The following PSD3 variants were observed in gnomAD, a reference collection of about 807,000 sequenced individuals.
PSD3 encodes the protein pleckstrin and Sec7 domain containing 3, also known as PH and SEC7 domain-containing protein 3.
Under a neutral mutation model 105.5 loss-of-function variants are expected in PSD3, and 49 were observed. The ratio of observed to expected loss-of-function variants is 0.46; its 90% confidence interval spans 0.37 to 0.59. The LOEUF is 0.59. PSD3 is among the 20% of genes least tolerant of loss of function. The pLI, the probability that PSD3 is intolerant of heterozygous loss-of-function variation, is 0.00. For synonymous variants in PSD3, 557 were observed against 457.8 expected, an observed-to-expected ratio of 1.22 and a Z score of -2.77; for missense variants, 1,561 against 1,263.8, an observed-to-expected ratio of 1.24 and a Z score of -3.57.
chr8:18,785,867 G>T (rs1434282456), intron 8 of PSD3, among the ~76,000 whole-genome samples: 1 of 152,104 alleles, frequency 6.6e-6, no homozygotes, highest in African/African-American at 2.4e-5. Context: ...GCCAGCCTTT[G>T]GCGCAGTCAA....
At chr8:18,825,535 G>A (rs1437631744) in intron 4 of PSD3, among the ~76,000 whole-genome samples, 3 of 152,184 alleles carry the variant, frequency 2.0e-5, no homozygotes, top group Admixed American at 6.5e-5. Flanking sequence ...TGAGTGTTGA[G>A]GGGAAGAGAA....
chr8:18,804,137 A>G (rs1032705819), intron 6 of PSD3, among the ~76,000 whole-genome samples: 1 of 152,202 alleles, frequency 6.6e-6, no homozygotes. Flanking sequence ...TATCTATAAT[A>G]CAATTTGAGC....
chr8:18,563,318 C>T (rs575392699), intron 14 of PSD3, among the ~76,000 whole-genome samples: 2 of 152,086 alleles, frequency 1.3e-5, no homozygotes, highest in East Asian at 1.9e-4. Flanking sequence ...ACAGGATCTT[C>T]GGTAAACAGT....
At chr8:18,813,616 C>A (rs922604751) in intron 4 of PSD3, among the ~76,000 whole-genome samples, 1 of 152,090 alleles carries the variant, frequency 6.6e-6, no homozygotes, top group Admixed American at 6.5e-5. Context: ...GTTCAGTTTG[C>A]CAGCAAGCAA....
intron 2 of PSD3, among the ~76,000 whole-genome samples, chr8:18,904,379 C>G (rs1819703521): frequency 6.6e-6 from 1 of 152,202 alleles, no homozygotes; most frequent in Non-Finnish European, 1.5e-5. Flanking sequence ...CCAACCCAGG[C>G]TGTGCCCAAG....
At chr8:18,770,761 T>G (rs1460733062) in intron 8 of PSD3, among the ~76,000 whole-genome samples, 2 of 152,230 alleles carry the variant, frequency 1.3e-5, no homozygotes, top group Non-Finnish European at 2.9e-5. Context: ...AACAGCTCAG[T>G]GGATCCTCTG....
intron 9 of PSD3, among the ~76,000 whole-genome samples, chr8:18,744,929 G>T (rs1309744785): frequency 1.3e-5 from 2 of 152,028 alleles, no homozygotes; most frequent in Non-Finnish European, 2.9e-5. Flanking sequence ...AAAGAAGATG[G>T]GCCAGTTATT....
chr8:19,067,188 T>A, intron 1 of PSD3, among the ~76,000 whole-genome samples: 1 of 152,344 alleles, frequency 6.6e-6, no homozygotes, highest in South Asian at 2.1e-4. Context: ...TGTGCCTTCG[T>A]TTGTGAGACA....
At chr8:18,856,402 T>C (rs937719119) in intron 4 of PSD3, among the ~76,000 whole-genome samples, 45 of 152,056 alleles carry the variant, frequency 3.0e-4, no homozygotes, top group African/African-American at 9.9e-4. Flanking sequence ...ATGCCAGGGG[T>C]TCTCTGAGTC....
intron 8 of PSD3, among the ~76,000 whole-genome samples, chr8:18,771,183 G>A (rs897261057): frequency 3.9e-5 from 6 of 152,142 alleles, no homozygotes; most frequent in Non-Finnish European, 8.8e-5. Flanking sequence ...AGCAGGCCAT[G>A]GGTGGTTTTG....
At chr8:19,013,704 G>C (rs979548633), upstream of PSD3, 18 of 882,734 alleles carry the variant, frequency 2.0e-5, no homozygotes, top group African/African-American at 8.9e-5. Context: ...CGGGACTGCC[G>C]AGAGGCGGCG....
At chr8:18,826,828 C>A (rs1394195710) in intron 4 of PSD3, among the ~76,000 whole-genome samples, 2 of 152,148 alleles carry the variant, frequency 1.3e-5, no homozygotes, top group Non-Finnish European at 2.9e-5. Context: ...GTACTTTCTA[C>A]CTTTCAAATG....
intron 1 of PSD3, among the ~76,000 whole-genome samples, chr8:19,073,152 T>TC (rs5889850): frequency 0.78 from 118,819 of 151,964 alleles, 47,420 homozygotes; most frequent in East Asian, 0.86. Flanking sequence ...CCATTTTTTT[T>TC]CCCATAAGGC....
At chr8:18,752,553 TAATTATATATATTA>T (rs1563225351) in intron 9 of PSD3, among the ~76,000 whole-genome samples, 241 of 7,102 alleles carry the variant, frequency 0.034, 13 homozygotes, top group Admixed American at 0.28. Flanking sequence ...ATATTATATA[TAATTATATATATTA>T]TATATATAAT....
In PSD3 at chr8:18,898,919, G is replaced by A. The variant is rs186600669; in HGVS notation, c.131-26186C>T. On this transcript the variant is annotated intron_variant, in intron 2 of 15. Transcript: ENST00000327040. ...CAGGCACATTCAGTGTAAATGTACAGACATAATCATAGTTTCTGTCTTTTT... is the reference window on the plus strand; with the variant it reads ...CAGGCACATTCAGTGTAAATGTACAAACATAATCATAGTTTCTGTCTTTTT... Among the ~76,000 whole-genome samples the A allele has an allele frequency of 2.0e-5, 3 of 152,210 alleles. No homozygotes were observed. In the East Asian group the frequency reaches 5.8e-4, roughly 29 times the overall value.
chr8:18,949,244 A>AAAAAAAAAAAAAATAT (rs1345423514), intron 1 of PSD3, among the ~76,000 whole-genome samples: 1 of 14,402 alleles, frequency 6.9e-5, no homozygotes, highest in Non-Finnish European at 1.8e-4. Flanking sequence ...AAAAAAAAAA[A>AAAAAAAAAAAAAATAT]ATATATATAT....
At chr8:18,599,472 G>T (rs190952044) in intron 12 of PSD3, among the ~76,000 whole-genome samples, 54 of 152,230 alleles carry the variant, frequency 3.5e-4, no homozygotes, top group Non-Finnish European at 6.8e-4. Context: ...ACTCACAAAA[G>T]GTGGAAACGA....
chr8:18,724,061 TTAA>T (rs1305888318), intron 9 of PSD3, among the ~76,000 whole-genome samples: 2 of 152,056 alleles, frequency 1.3e-5, no homozygotes, highest in Non-Finnish European at 2.9e-5. Context: ...CTTTTGAGGG[TTAA>T]TGATAATAGA....
At chr8:18,700,922 G>C (rs144485200) in intron 9 of PSD3, among the ~76,000 whole-genome samples, 250 of 152,036 alleles carry the variant, frequency 1.6e-3, no homozygotes, top group African/African-American at 5.4e-3. Context: ...TAATCTCCAA[G>C]GTCTTTGGAA....
Sources: allele counts gnomAD v4.1 joint callset (sites outside exome capture counted in the v4.1 genomes callset), GRCh38; gene constraint gnomAD v4.1.1; transcripts MANE v1.5; gene names NCBI Gene and HGNC (gene_info 2026-07-23, HGNC 2026-07-21).